Variants in LGSN observed in about 807,000 individuals in gnomAD.
LGSN encodes the protein lengsin, lens protein with glutamine synthetase domain.
A neutral mutation model predicts 19.5 loss-of-function variants in LGSN; 21 were observed. The observed-to-expected ratio is 1.07, with a 90% confidence interval of 0.76 to 1.55. LGSN has a LOEUF of 1.55. Among genes scored for constraint, LGSN ranks in the 40% most tolerant of loss-of-function variants. The pLI is 0.00. For missense variants in LGSN, 673 were observed against 608.5 expected (o/e 1.11, Z -1.12); for synonymous variants, 257 against 215.6 (o/e 1.19, Z -1.68).
the LGSN span, among the ~76,000 whole-genome samples, chr6:63,520,532 T>C: frequency 6.6e-6 from 1 of 151,764 alleles, no homozygotes; most frequent in Admixed American, 6.6e-5. Flanking sequence ...GAGGCTGAGG[T>C]AGGAGAATCA....
chr6:63,518,436 G>A, the LGSN span, among the ~76,000 whole-genome samples: 9 of 152,206 alleles, frequency 5.9e-5, no homozygotes, highest in Admixed American at 2.0e-4. Flanking sequence ...GACATCCCCA[G>A]GGCAAACAAA....
At chr6:63,359,625 G>T in the LGSN span, among the ~76,000 whole-genome samples, 876 of 152,254 alleles carry the variant, frequency 5.8e-3, 6 homozygotes, top group African/African-American at 0.019. Context: ...TTGCATAGAG[G>T]TGTTTATAGT....
At chr6:63,499,531 A>C in the LGSN span, among the ~76,000 whole-genome samples, 782 of 152,166 alleles carry the variant, frequency 5.1e-3, 7 homozygotes, top group South Asian at 0.025. Flanking sequence ...GGTTCTTTGG[A>C]TAATAGAGAA....
At chr6:63,415,115 T>A in the LGSN span, among the ~76,000 whole-genome samples, 3 of 151,646 alleles carry the variant, frequency 2.0e-5, no homozygotes, top group African/African-American at 7.3e-5. Flanking sequence ...AGGTCAGGAG[T>A]TCGAGATCAG....
At chr6:63,287,607 C>T (rs995748191) in intron 2 of LGSN, among the ~76,000 whole-genome samples, 2 of 152,008 alleles carry the variant, frequency 1.3e-5, no homozygotes, top group African/African-American at 4.8e-5. Context: ...ACTAAGGAGG[C>T]TGAAACACAA....
At chr6:63,439,918 T>A in the LGSN span, among the ~76,000 whole-genome samples, 3 of 152,248 alleles carry the variant, frequency 2.0e-5, no homozygotes, top group Non-Finnish European at 2.9e-5. Context: ...CATTTATACA[T>A]CTCTTCTAGC....
At chr6:63,348,316 C>T in the LGSN span, among the ~76,000 whole-genome samples, 1 of 151,992 alleles carries the variant, frequency 6.6e-6, no homozygotes, top group Non-Finnish European at 1.5e-5. Context: ...TAGCTGGGAG[C>T]TGTGGCGCAT....
intron 1 of LGSN, 123 bp from the exon 2 acceptor site, chr6:63,295,168 T>C (rs2127388181): frequency 1.1e-6 from 1 of 871,992 alleles, no homozygotes. Flanking sequence ...TTTATAATGA[T>C]GAAAATTTTG....
At chr6:63,432,676 A>G in the LGSN span, among the ~76,000 whole-genome samples, 22 of 152,030 alleles carry the variant, frequency 1.4e-4, 1 homozygote, top group South Asian at 4.6e-3. Flanking sequence ...TGGGCAACAG[A>G]GCAAAACTCT....
At chr6:63,536,554 C>A in the LGSN span, among the ~76,000 whole-genome samples, 4 of 152,064 alleles carry the variant, frequency 2.6e-5, no homozygotes, top group African/African-American at 9.7e-5. Context: ...GAACAAATCA[C>A]CACTTATATT....
chr6:63,539,104 T>C, the LGSN span, among the ~76,000 whole-genome samples: 2 of 152,000 alleles, frequency 1.3e-5, no homozygotes, highest in African/African-American at 4.8e-5. Flanking sequence ...TGTTGGCCCA[T>C]GCTGATCTTG....
chr6:63,318,063 T>C (rs767780034), intron 1 of LGSN, among the ~76,000 whole-genome samples: 1 of 152,200 alleles, frequency 6.6e-6, no homozygotes, highest in East Asian at 1.9e-4. Flanking sequence ...AATCTATTTT[T>C]TGTCTGCCAC....
At chr6:63,442,293 G>A in the LGSN span, among the ~76,000 whole-genome samples, 1 of 152,188 alleles carries the variant, frequency 6.6e-6, no homozygotes, top group Admixed American at 6.5e-5. Context: ...AAGATTTATT[G>A]CAAACAGAGA....
the LGSN span, among the ~76,000 whole-genome samples, chr6:63,333,523 A>C: frequency 2.7e-5 from 4 of 149,886 alleles, no homozygotes; most frequent in Admixed American, 1.3e-4. Flanking sequence ...ACAAAAGAAC[A>C]AAAGAATGAA....
chr6:63,425,041 A>G, the LGSN span, among the ~76,000 whole-genome samples: 1 of 152,240 alleles, frequency 6.6e-6, no homozygotes, highest in Non-Finnish European at 1.5e-5. Context: ...ATGATTACCA[A>G]TCAGGGAATT....
At chr6:63,403,921 A>T in the LGSN span, among the ~76,000 whole-genome samples, 1 of 151,894 alleles carries the variant, frequency 6.6e-6, no homozygotes. Context: ...ATCAGGTTAC[A>T]TGAGAGACTT....
chr6:63,380,960 G>T, the LGSN span, among the ~76,000 whole-genome samples: 1 of 152,152 alleles, frequency 6.6e-6, no homozygotes, highest in South Asian at 2.1e-4. Flanking sequence ...ACTTTGAGAG[G>T]CCAAGGCAGG....
At chr6:63,294,191 C>T (rs1038668740) in intron 2 of LGSN, among the ~76,000 whole-genome samples, 11 of 151,846 alleles carry the variant, frequency 7.2e-5, no homozygotes, top group African/African-American at 1.5e-4. Flanking sequence ...AAAAAATTAG[C>T]GTGGCATGGT....
chr6:63,314,847 G>A (rs1272299998), intron 1 of LGSN, among the ~76,000 whole-genome samples: 1 of 151,684 alleles, frequency 6.6e-6, no homozygotes, highest in Non-Finnish European at 1.5e-5. Flanking sequence ...AAGAATTGGA[G>A]GTTTTAAAGT....
Sources: gnomAD v4.1 joint callset for allele counts (sites outside exome capture counted in the v4.1 genomes callset) on GRCh38, gnomAD v4.1.1 for gene constraint, MANE v1.5 for transcripts, NCBI Gene and HGNC (gene_info 2026-07-23, HGNC 2026-07-21) for gene names.